Variants in KDM4C observed in about 807,000 individuals in gnomAD.
KDM4C encodes lysine demethylase 4C, also known as lysine-specific demethylase 4C.
A neutral mutation model predicts 129.3 loss-of-function variants in KDM4C; 81 were observed. The ratio of observed to expected loss-of-function variants is 0.63; its 90% CI spans 0.52 to 0.75. KDM4C has a LOEUF of 0.75. Ranked by LOEUF, KDM4C falls within the 30% of genes least tolerant of loss-of-function variation. The pLI is 0.00. For synonymous variants in KDM4C, 573 were observed against 456.1 expected (o/e 1.26, Z -3.26); for missense variants, 1,457 against 1,304.0 (o/e 1.12, Z -1.81).
In KDM4C at chr9:7,082,132, T is replaced by C. The variant is rs147143849; in HGVS notation, c.2425-21553T>C. Among the ~76,000 whole-genome samples the C allele has an allele frequency of 1.7e-3, 265 of 151,702 alleles. 1 individual carries two copies. The highest frequency in any genetic ancestry group is 6.7e-3 in the Admixed American group (102 of 15,222). Reference sequence around the variant, plus strand: ...TGCCGTGCCTCCAGGACAAAGACTCTGACTTGTTTGTGTCACTACAGCCTC... The same window carrying C: ...TGCCGTGCCTCCAGGACAAAGACTCCGACTTGTTTGTGTCACTACAGCCTC... On this transcript the variant is annotated intron_variant, in intron 17 of 21. Transcript: ENST00000381309.
intron 9 of KDM4C, 47 bp from the exon 10 acceptor site, chr9:6,984,119 A>C: frequency 8.4e-7 from 1 of 1,195,244 alleles, no homozygotes; most frequent in South Asian, 1.3e-5. Context: ...TGTTTTTCAT[A>C]TCCATTGCAG....
intron 1 of KDM4C, among the ~76,000 whole-genome samples, chr9:6,791,376 G>T (rs1826574573): frequency 6.6e-6 from 1 of 152,200 alleles, no homozygotes; most frequent in Non-Finnish European, 1.5e-5. Context: ...AAAGTGTTGG[G>T]ATTACAGGTG....
intron 4 of KDM4C, among the ~76,000 whole-genome samples, chr9:6,837,265 C>A (rs780366836): frequency 2.0e-5 from 3 of 152,064 alleles, no homozygotes; most frequent in Non-Finnish European, 2.9e-5. Flanking sequence ...GCCATGGTGC[C>A]CAGGCTTATC....
At chr9:7,131,078 C>G (rs568501554) in intron 19 of KDM4C, among the ~76,000 whole-genome samples, 1 of 105,162 alleles carries the variant, frequency 9.5e-6, no homozygotes, top group African/African-American at 3.1e-5. Flanking sequence ...CTAATAACTT[C>G]TTCAGGAAAA....
At chr9:6,987,551 G>C (rs549909612) in intron 11 of KDM4C, among the ~76,000 whole-genome samples, 1 of 152,124 alleles carries the variant, frequency 6.6e-6, no homozygotes, top group Admixed American at 6.5e-5. Context: ...GATAGGTTGC[G>C]CTGGCTGCAG....
At chr9:6,767,176 T>C (rs1368985486) in intron 1 of KDM4C, among the ~76,000 whole-genome samples, 1 of 152,136 alleles carries the variant, frequency 6.6e-6, no homozygotes, top group African/African-American at 2.4e-5. Context: ...TCTCGCTGTG[T>C]CGCCCAGGCT....
intron 17 of KDM4C, among the ~76,000 whole-genome samples, chr9:7,099,276 A>G (rs1439548448): frequency 1.3e-5 from 2 of 152,194 alleles, no homozygotes; most frequent in African/African-American, 4.8e-5. Flanking sequence ...GGGGAAGGAG[A>G]TGTGCTTTGA....
At chr9:6,992,656 G>A (rs191029824) in intron 12 of KDM4C, among the ~76,000 whole-genome samples, 8 of 152,292 alleles carry the variant, frequency 5.3e-5, no homozygotes, top group Admixed American at 1.3e-4. Flanking sequence ...AAAGTTGAAA[G>A]TGAATAAACA....
At chr9:6,891,051 C>T (rs1157298471) in intron 7 of KDM4C, among the ~76,000 whole-genome samples, 1 of 152,150 alleles carries the variant, frequency 6.6e-6, no homozygotes, top group Non-Finnish European at 1.5e-5. Flanking sequence ...TCCCCATCTC[C>T]AATACCATTT....
At chr9:6,769,988 C>G (rs1031461293) in intron 1 of KDM4C, among the ~76,000 whole-genome samples, 2 of 152,084 alleles carry the variant, frequency 1.3e-5, no homozygotes, top group Admixed American at 1.3e-4. Flanking sequence ...TGAGACCAGC[C>G]TGGCCTACAT....
intron 15 of KDM4C, among the ~76,000 whole-genome samples, chr9:7,020,037 G>A (rs920822623): frequency 1.1e-4 from 16 of 151,904 alleles, no homozygotes; most frequent in African/African-American, 3.9e-4. Context: ...CTTTATCTGT[G>A]ACTTTCTGTG....
intron 17 of KDM4C, among the ~76,000 whole-genome samples, chr9:7,100,144 C>T (rs946782177): frequency 6.6e-6 from 1 of 152,162 alleles, no homozygotes; most frequent in Non-Finnish European, 1.5e-5. Flanking sequence ...TGCCTGTAAT[C>T]CCAACACTTT....
rs139364967 is a variant in KDM4C, at chr9:6,745,651, T to G, written c.49+24654T>G. On this transcript the variant is annotated intron_variant, in intron 1 of 17. Transcript: ENST00000536108. Reference sequence around the variant, plus strand: ...TACATTACATTATATTTTATTTTATTTTTTTGAGACGGAGTCTCACTCTGT... The same window carrying G: ...TACATTACATTATATTTTATTTTATGTTTTTGAGACGGAGTCTCACTCTGT... Among the ~76,000 whole-genome samples, 708 of 152,202 alleles carry G rather than the reference T, an allele frequency of 4.7e-3. 11 individuals carry two copies. The highest frequency in any genetic ancestry group is 0.016 in the African/African-American group (670 of 41,538).
chr9:7,126,380 C>G lies in KDM4C; in HGVS notation c.2611-1686C>G, dbSNP rs529845003. On this transcript the variant is annotated intron_variant, in intron 18 of 21. Transcript: ENST00000381309. ...TTGTGTTAGTTTTTCTAGTCTAAAA[C>G]TATTAATACAGCTCTTCTACAGGTC... Among the ~76,000 whole-genome samples, 21 of 152,214 alleles carry G rather than the reference C, an allele frequency of 1.4e-4. No individual in the cohort carries two copies. The South Asian group carries it at 4.2e-3, about 30-fold the overall frequency.
intron 5 of KDM4C, among the ~76,000 whole-genome samples, chr9:6,860,270 T>A (rs1252663109): frequency 6.6e-6 from 1 of 152,188 alleles, no homozygotes; most frequent in African/African-American, 2.4e-5. Flanking sequence ...TAAGGTTCTT[T>A]CTTTAGATGT....
intron 4 of KDM4C, among the ~76,000 whole-genome samples, chr9:6,840,628 C>CTTGTGA (rs1465683017): frequency 1.3e-5 from 2 of 152,148 alleles, no homozygotes; most frequent in Non-Finnish European, 2.9e-5. Flanking sequence ...AACTTCTGAC[C>CTTGTGA]TTGTGATCCG....
At chr9:7,066,237 G>T (rs1355264649) in intron 17 of KDM4C, among the ~76,000 whole-genome samples, 1 of 152,074 alleles carries the variant, frequency 6.6e-6, no homozygotes, top group Non-Finnish European at 1.5e-5. Flanking sequence ...AATGACAGGG[G>T]CATAAGATGG....
chr9:6,855,848 G>A (rs1434205765), intron 5 of KDM4C, among the ~76,000 whole-genome samples: 1 of 152,152 alleles, frequency 6.6e-6, no homozygotes, highest in African/African-American at 2.4e-5. Flanking sequence ...TGTGAGCTCT[G>A]GGAGTTGGGG....
At chr9:6,782,753 AAG>A (rs1418745391) in intron 1 of KDM4C, among the ~76,000 whole-genome samples, 1 of 152,146 alleles carries the variant, frequency 6.6e-6, no homozygotes, top group African/African-American at 2.4e-5. Flanking sequence ...AAGGGTTTAA[AAG>A]AGGGATAGCA....
Sources: gnomAD v4.1 joint callset for allele counts (sites outside exome capture counted in the v4.1 genomes callset) on GRCh38, gnomAD v4.1.1 for gene constraint, MANE v1.5 for transcripts, NCBI Gene and HGNC (gene_info 2026-07-23, HGNC 2026-07-21) for gene names.